SDK1: variants seen among roughly 807,000 people sequenced by gnomAD.
SDK1 encodes the protein sidekick cell adhesion molecule 1.
A neutral mutation model predicts 245.5 loss-of-function variants in SDK1; 157 were observed. That is an observed-to-expected ratio of 0.64 (90% CI 0.56 to 0.73). SDK1 has a LOEUF of 0.73. SDK1 is among the 30% of genes least tolerant of loss of function. The pLI is 0.00. For missense variants in SDK1, 3,583 were observed against 3,002.3 expected, an observed-to-expected ratio of 1.19 and a Z score of -4.52; for synonymous variants, 1,647 against 1,278.5, an observed-to-expected ratio of 1.29 and a Z score of -6.15.
chr7:3,747,977 G>A (rs1436144265), intron 4 of SDK1, among the ~76,000 whole-genome samples: 1 of 151,956 alleles, frequency 6.6e-6, no homozygotes, highest in Non-Finnish European at 1.5e-5. Flanking sequence ...GTTTTCAAGG[G>A]AGATTTAGTA....
chr7:3,800,567 G>T (rs952424361), intron 4 of SDK1, among the ~76,000 whole-genome samples: 2 of 151,912 alleles, frequency 1.3e-5, no homozygotes, highest in African/African-American at 4.8e-5. Context: ...ATTTTTACTA[G>T]AGACGGGTTA....
intron 4 of SDK1, among the ~76,000 whole-genome samples, chr7:3,670,360 A>G (rs1783659736): frequency 6.6e-6 from 1 of 152,178 alleles, no homozygotes; most frequent in South Asian, 2.1e-4. Context: ...CCACTTTGGT[A>G]TATTGGTTAC....
At chr7:3,554,103 A>G (rs900428781) in intron 1 of SDK1, among the ~76,000 whole-genome samples, 3 of 152,208 alleles carry the variant, frequency 2.0e-5, no homozygotes, top group East Asian at 3.8e-4. Flanking sequence ...CAATCAAGCA[A>G]CAGGACTAAA....
At position 3,619,298 on chromosome 7, in the gene SDK1, C is replaced by T. The variant is rs1583234245; in HGVS notation, c.458+59C>T. ...TCAGTTGATGTGTTTGGAATACTTG[C>T]CTTACTGGTCATAATAGCACAATGA... On this transcript the variant is annotated intron_variant, in intron 2 of 44. Coordinates refer to ENST00000404826, the MANE Select transcript of SDK1 (RefSeq NM_152744.4). 7 of 1,444,244 alleles carry T rather than the reference C, an allele frequency of 4.8e-6. No individual in the cohort carries two copies. The East Asian group carries it at 1.6e-4, about 33-fold the overall frequency. The allele number at this position is 1,444,244 out of a possible 1,614,324, so 89.5% of individuals were successfully genotyped here.
intron 5 of SDK1, among the ~76,000 whole-genome samples, chr7:3,924,401 G>C (rs1252287215): frequency 1.3e-5 from 2 of 152,188 alleles, no homozygotes; most frequent in African/African-American, 4.8e-5. Flanking sequence ...CTGGATGAGT[G>C]AATGGATGGG....
chr7:3,587,718 A>T (rs1316792572), intron 1 of SDK1, among the ~76,000 whole-genome samples: 2 of 152,224 alleles, frequency 1.3e-5, no homozygotes, highest in South Asian at 4.1e-4. Flanking sequence ...AATGATGTTT[A>T]ATTAAGTATC....
At chr7:3,517,085 A>T (rs1173247483) in intron 1 of SDK1, among the ~76,000 whole-genome samples, 2 of 152,286 alleles carry the variant, frequency 1.3e-5, no homozygotes, top group Middle Eastern at 3.4e-3. Context: ...TTATTCATAA[A>T]TGTATGAAAA....
rs1463468984 is a variant in SDK1, at chr7:4,129,675, G to A, written c.3940-233G>A. 40 of 1,381,080 alleles carry A rather than the reference G, an allele frequency of 2.9e-5. No homozygotes were observed. The South Asian group carries it at 4.0e-4, about 14-fold the overall frequency. The allele number at this position is 1,381,080 out of a possible 1,614,324, so 85.6% of individuals were successfully genotyped here. A position where few individuals can be genotyped will look rare whatever the true frequency, so the allele number is the denominator to read the frequency against. The stretch of plus-strand genomic sequence containing the variant: ...CAGATTATGACCAGGCAGCAGGCTC[G>A]CCAAGCCGTGGGCACTAACTCAAGC... On this transcript the variant is annotated intron_variant, in intron 26 of 44. Coordinates refer to ENST00000404826, the MANE Select transcript of SDK1 (RefSeq NM_152744.4).
chr7:3,479,871 A>C (rs1349901086), intron 1 of SDK1, among the ~76,000 whole-genome samples: 1 of 151,876 alleles, frequency 6.6e-6, no homozygotes, highest in East Asian at 1.9e-4. Flanking sequence ...CAAAAAAAAA[A>C]AAAAATTTTT....
chr7:3,637,287 G>C (rs1378184797), intron 2 of SDK1, among the ~76,000 whole-genome samples: 1 of 152,096 alleles, frequency 6.6e-6, no homozygotes, highest in African/African-American at 2.4e-5. Flanking sequence ...AGTACAGACT[G>C]GGTTTCACCA....
At chr7:3,775,611 C>T (rs1236876459) in intron 4 of SDK1, among the ~76,000 whole-genome samples, 1 of 150,970 alleles carries the variant, frequency 6.6e-6, no homozygotes, top group Non-Finnish European at 1.5e-5. Context: ...GCTCTGTCGC[C>T]CAGGCCGGAC....
intron 17 of SDK1, among the ~76,000 whole-genome samples, chr7:4,028,846 G>C (rs557795568): frequency 6.6e-6 from 1 of 152,150 alleles, no homozygotes; most frequent in African/African-American, 2.4e-5. Context: ...CCCATTCAGC[G>C]GAAAACCCAT....
intron 38 of SDK1, among the ~76,000 whole-genome samples, chr7:4,217,096 G>A (rs867780711): frequency 4.3e-5 from 1 of 23,098 alleles, no homozygotes; most frequent in African/African-American, 1.9e-4. Context: ...CACACCACCC[G>A]GAGCACCAGG....
chr7:4,102,587 C>T (rs961752243), intron 22 of SDK1, among the ~76,000 whole-genome samples: 3 of 152,164 alleles, frequency 2.0e-5, no homozygotes, highest in Non-Finnish European at 4.4e-5. Flanking sequence ...GTTAATGACT[C>T]TCCTCTGAGC....
At chr7:3,789,613 T>A (rs1166199563) in intron 4 of SDK1, among the ~76,000 whole-genome samples, 1 of 152,216 alleles carries the variant, frequency 6.6e-6, no homozygotes, top group African/African-American at 2.4e-5. Context: ...GTTGGAAAAG[T>A]GTATCATCCA....
intron 22 of SDK1, among the ~76,000 whole-genome samples, chr7:4,090,942 C>T (rs1475739868): frequency 6.6e-6 from 1 of 152,150 alleles, no homozygotes; most frequent in Non-Finnish European, 1.5e-5. Context: ...CCAGTATGCT[C>T]AGTATATTTA....
chr7:3,961,220 A>G (rs1360194127), intron 8 of SDK1, among the ~76,000 whole-genome samples: 2 of 152,226 alleles, frequency 1.3e-5, no homozygotes, highest in East Asian at 3.8e-4. Context: ...TCCTTATGAA[A>G]GTGACATCAT....
In SDK1 at chr7:4,063,610, C is replaced by A. The variant is rs753527402; in HGVS notation, c.2912-4228C>A. On this transcript the variant is annotated intron_variant, in intron 19 of 44. Transcript: ENST00000404826. ...TCACAGAAATAGCAAAAAAAAAAAA[C>A]AAAAAACCCCGTAAATTCTTGTGGA... Among the ~76,000 whole-genome samples the A allele has an allele frequency of 6.8e-3, 930 of 137,648 alleles. 6 individuals carry two copies. The highest frequency in any genetic ancestry group is 0.023 in the African/African-American group (798 of 35,106). The allele number at this position is 137,648 out of a possible 152,430, so 90.3% of individuals were successfully genotyped here.
intron 4 of SDK1, among the ~76,000 whole-genome samples, chr7:3,769,921 A>G (rs890785096): frequency 6.8e-6 from 1 of 146,776 alleles, no homozygotes; most frequent in Non-Finnish European, 1.5e-5. Context: ...TCTCAGTGTT[A>G]TTTGTACTTA....
Sources: allele counts gnomAD v4.1 joint callset (sites outside exome capture counted in the v4.1 genomes callset), GRCh38; gene constraint gnomAD v4.1.1; transcripts MANE v1.5; gene names NCBI Gene and HGNC (gene_info 2026-07-23, HGNC 2026-07-21).